Variants in PPARGC1A observed in about 807,000 individuals in gnomAD.
The protein encoded by PPARGC1A is peroxisome proliferator-activated receptor gamma coactivator 1-alpha.
In PPARGC1A, 25 loss-of-function variants were observed where a neutral mutation model predicts 88.7. The observed-to-expected ratio is 0.28, with a 90% CI of 0.21 to 0.39. The LOEUF is 0.39. Ranked by LOEUF, PPARGC1A falls within the 10% of genes least tolerant of loss-of-function variation. The pLI, the probability that PPARGC1A is intolerant of heterozygous loss-of-function variation, is 1.00. For missense variants in PPARGC1A, 880 were observed against 968.7 expected (o/e 0.91, Z 1.22); for synonymous variants, 363 against 355.6 (o/e 1.02, Z -0.24).
At chr4:24,323,163 C>T in the PPARGC1A span, among the ~76,000 whole-genome samples, 58 of 152,148 alleles carry the variant, frequency 3.8e-4, no homozygotes, top group Non-Finnish European at 6.8e-4. Context: ...CTCTCTGCTG[C>T]CTTTGGCCAG....
intron 2 of PPARGC1A, among the ~76,000 whole-genome samples, chr4:23,872,737 T>C (rs1713676780): frequency 6.6e-6 from 1 of 152,166 alleles, no homozygotes; most frequent in African/African-American, 2.4e-5. Context: ...CCCCCTAAAA[T>C]GGCCAGACAC....
chr4:23,920,784 G>T, the PPARGC1A span, among the ~76,000 whole-genome samples: 1 of 152,128 alleles, frequency 6.6e-6, no homozygotes, highest in Non-Finnish European at 1.5e-5. Context: ...CAGTGTCAGC[G>T]CTTGCCCTGC....
the PPARGC1A span, among the ~76,000 whole-genome samples, chr4:24,424,853 G>A: frequency 6.6e-6 from 1 of 152,300 alleles, no homozygotes; most frequent in African/African-American, 2.4e-5. Flanking sequence ...GCTCTGTGCC[G>A]TTGACACCTG....
the PPARGC1A span, among the ~76,000 whole-genome samples, chr4:24,418,797 ATTTCT>A: frequency 6.6e-6 from 1 of 152,182 alleles, no homozygotes; most frequent in Non-Finnish European, 1.5e-5. Flanking sequence ...CCCTCCACAC[ATTTCT>A]TTTCAAGTCA....
chr4:24,416,778 C>T, the PPARGC1A span, among the ~76,000 whole-genome samples: 1 of 152,134 alleles, frequency 6.6e-6, no homozygotes, highest in Non-Finnish European at 1.5e-5. Context: ...CGCCTGTAAT[C>T]CCGGCACTTT....
the PPARGC1A span, among the ~76,000 whole-genome samples, chr4:24,240,086 G>A: frequency 3.3e-5 from 5 of 152,152 alleles, no homozygotes; most frequent in African/African-American, 4.8e-5. Context: ...GGAAAGTGTA[G>A]TACAAATGCT....
At chr4:24,312,716 G>A in the PPARGC1A span, among the ~76,000 whole-genome samples, 1 of 151,186 alleles carries the variant, frequency 6.6e-6, no homozygotes, top group Admixed American at 6.6e-5. Context: ...CCTAACAAGT[G>A]GTACAAAGTA....
At chr4:24,056,580 C>T in the PPARGC1A span, among the ~76,000 whole-genome samples, 1 of 152,068 alleles carries the variant, frequency 6.6e-6, no homozygotes, top group East Asian at 1.9e-4. Context: ...GAATAGGGCC[C>T]TTATTTTTCC....
At chr4:24,309,860 C>T in the PPARGC1A span, among the ~76,000 whole-genome samples, 25 of 151,924 alleles carry the variant, frequency 1.6e-4, no homozygotes, top group Admixed American at 1.5e-3. Context: ...TGTATGTCAA[C>T]GAAAGAGATA....
At chr4:23,832,573 T>G (rs1725207795) in intron 2 of PPARGC1A, among the ~76,000 whole-genome samples, 1 of 152,032 alleles carries the variant, frequency 6.6e-6, no homozygotes, top group East Asian at 1.9e-4. Flanking sequence ...GCTGGGGTAC[T>G]ATTCCAGTGC....
At chr4:24,014,850 C>T in the PPARGC1A span, among the ~76,000 whole-genome samples, 94,228 of 152,030 alleles carry the variant, frequency 0.62, 30,008 homozygotes, top group African/African-American at 0.75. Context: ...ATTTCAGCTG[C>T]AAAATCCATT....
chr4:24,197,701 T>C, the PPARGC1A span, among the ~76,000 whole-genome samples: 2 of 152,112 alleles, frequency 1.3e-5, no homozygotes, highest in Non-Finnish European at 2.9e-5. Context: ...TAAAGAAAGG[T>C]GGTGCCACCT....
chr4:24,100,701 A>T, the PPARGC1A span, among the ~76,000 whole-genome samples: 2 of 152,220 alleles, frequency 1.3e-5, no homozygotes, highest in African/African-American at 4.8e-5. Context: ...AAAATAAATT[A>T]AACTATGAAA....
chr4:24,367,970 C>T, the PPARGC1A span, among the ~76,000 whole-genome samples: 2 of 152,174 alleles, frequency 1.3e-5, no homozygotes, highest in African/African-American at 4.8e-5. Context: ...CATCACTCTC[C>T]AACACACCCT....
the PPARGC1A span, among the ~76,000 whole-genome samples, chr4:24,271,870 G>T: frequency 1.3e-5 from 2 of 152,102 alleles, no homozygotes; most frequent in African/African-American, 2.4e-5. Flanking sequence ...ATACATCTAT[G>T]TATTGAGATA....
the PPARGC1A span, among the ~76,000 whole-genome samples, chr4:24,402,113 G>A: frequency 6.6e-6 from 1 of 152,202 alleles, no homozygotes; most frequent in Non-Finnish European, 1.5e-5. Context: ...ATTTGGTTGA[G>A]GTGGCAGCAG....
chr4:24,032,978 T>A, the PPARGC1A span, among the ~76,000 whole-genome samples: 141,166 of 152,294 alleles, frequency 0.93, 65,478 homozygotes, highest in Admixed American at 0.95. Context: ...AAGGAGAAAA[T>A]CCTAGGAGCA....
At chr4:24,080,504 TCTC>T in the PPARGC1A span, among the ~76,000 whole-genome samples, 1 of 152,232 alleles carries the variant, frequency 6.6e-6, no homozygotes, top group East Asian at 1.9e-4. Context: ...ATCATTTTTA[TCTC>T]CTCTTTTCCA....
chr4:24,470,871 G>C, the PPARGC1A span, among the ~76,000 whole-genome samples: 2 of 151,858 alleles, frequency 1.3e-5, no homozygotes, highest in Non-Finnish European at 2.9e-5. This position sits in a 1 kb window ranked among gnomAD's most constrained non-coding sequence, Gnocchi z 5.8. Context: ...CGCCGGAGAG[G>C]TCTTCACCTG....
Sources: gnomAD v4.1 joint callset for allele counts (sites outside exome capture counted in the v4.1 genomes callset) on GRCh38, gnomAD v4.1.1 for gene constraint, Gnocchi (gnomAD v3.1) non-coding constraint, MANE v1.5 for transcripts, NCBI Gene and HGNC (gene_info 2026-07-23, HGNC 2026-07-21) for gene names.